LMTK2: variants seen among roughly 807,000 people sequenced by gnomAD.
The protein encoded by LMTK2 is serine/threonine-protein kinase LMTK2.
A neutral mutation model predicts 127.5 loss-of-function variants in LMTK2; 37 were observed. The observed-to-expected ratio is 0.29, with a 90% CI of 0.22 to 0.38. The LOEUF (loss-of-function observed/expected upper bound fraction) is 0.38, where lower values mean the gene tolerates loss of function less well. Among genes scored for constraint, LMTK2 ranks in the 10% least tolerant of loss-of-function variants. LMTK2 has a pLI of 1.00. For synonymous variants in LMTK2, 819 were observed against 810.1 expected (o/e 1.01, Z -0.19); for missense variants, 1,694 against 1,920.3 (o/e 0.88, Z 2.20).
chr7:98,155,230 A>G (rs541796468), intron 5 of LMTK2, among the ~76,000 whole-genome samples: 1 of 152,356 alleles, frequency 6.6e-6, no homozygotes, highest in East Asian at 1.9e-4. Context: ...TAAAGAAGAC[A>G]TAAATGGAAA....
intron 5 of LMTK2, among the ~76,000 whole-genome samples, chr7:98,156,009 C>A (rs1796920662): frequency 6.6e-6 from 1 of 151,160 alleles, no homozygotes; most frequent in African/African-American, 2.4e-5. Context: ...AAGAAACTCT[C>A]AAAACTCAAC....
At chr7:98,115,796 CAAAA>C (rs1796273284) in intron 1 of LMTK2, among the ~76,000 whole-genome samples, 2 of 151,704 alleles carry the variant, frequency 1.3e-5, no homozygotes, top group South Asian at 4.2e-4. Flanking sequence ...TCAAAAAAAG[CAAAA>C]AAAGAAAGGT....
rs887533185 is a variant in LMTK2, at chr7:98,151,904, C to T, written c.450+449C>T. Among the ~76,000 whole-genome samples the T allele has an allele frequency of 3.9e-5, 6 of 152,086 alleles. 1 individual carries two copies. In the East Asian group the frequency reaches 7.7e-4, roughly 20 times the overall value. On this transcript the variant is annotated intron_variant, in intron 4 of 13. Transcript: ENST00000297293. ...TCCCAGAGGCCTTCCTCCTCTCCATCGCATTGGTCATTAGGTTTCAGTTTA... is the reference window on the plus strand; with the variant it reads ...TCCCAGAGGCCTTCCTCCTCTCCATTGCATTGGTCATTAGGTTTCAGTTTA...
chr7:98,196,626 G>T (rs373951213), intron 11 of LMTK2, among the ~76,000 whole-genome samples: 155 of 152,348 alleles, frequency 1.0e-3, no homozygotes, highest in African/African-American at 3.5e-3. Flanking sequence ...CCCAGTGGAA[G>T]CAGCCTGTGG....
chr7:98,116,696 C>T (rs1047335616), intron 1 of LMTK2, among the ~76,000 whole-genome samples: 5 of 152,184 alleles, frequency 3.3e-5, no homozygotes, highest in Non-Finnish European at 7.3e-5. Context: ...ACATTTGTCA[C>T]AACTAAGGAA....
Position 98,194,678 on chromosome 7 carries a change from C to T in LMTK2, c.4107+106C>T. On this transcript the variant is annotated intron_variant, in intron 11 of 13. Coordinates refer to ENST00000297293, the MANE Select transcript of LMTK2 (RefSeq NM_014916.4). This position sits in a 1 kb window ranked among gnomAD's most constrained non-coding sequence, Gnocchi z 5.4. Reference sequence around the variant, plus strand: ...TTTTCTAGTTGCCATTTTGAGGCAGCAGATTGTGATTACTCACAAAAAGTA... The same window carrying T: ...TTTTCTAGTTGCCATTTTGAGGCAGTAGATTGTGATTACTCACAAAAAGTA... The T allele has an allele frequency of 9.5e-7, 1 of 1,055,442 alleles. No homozygotes were observed. Among genetic ancestry groups the T allele is most frequent in the South Asian group, 1.7e-5 (1 of 60,456 alleles). 65.4% of individuals were successfully genotyped at this position (1,055,442 alleles called of 1,614,324 possible).
At chr7:98,165,470 T>C (rs1445292816) in intron 6 of LMTK2, among the ~76,000 whole-genome samples, 1 of 152,186 alleles carries the variant, frequency 6.6e-6, no homozygotes, top group African/African-American at 2.4e-5. Flanking sequence ...CTTGATTTTA[T>C]TCTAATTTTA....
chr7:98,155,646 T>C (rs1203714816), intron 5 of LMTK2, among the ~76,000 whole-genome samples: 3 of 152,214 alleles, frequency 2.0e-5, no homozygotes, highest in African/African-American at 7.2e-5. Context: ...TTTGTCACTT[T>C]TCTAAAGAAA....
At chr7:98,141,875 G>T (rs1405452724) in intron 3 of LMTK2, among the ~76,000 whole-genome samples, 2 of 152,190 alleles carry the variant, frequency 1.3e-5, no homozygotes, top group Non-Finnish European at 2.9e-5. Context: ...GTAGGACTCT[G>T]CTGGCTTCCA....
chr7:98,154,834 CA>C lies in LMTK2; in HGVS notation c.530del (p.Lys177ArgfsTer7). 6.2e-7 allele frequency: 1 copy of C among 1,613,234 alleles called. No homozygotes were observed. Among genetic ancestry groups the C allele is most frequent in the Non-Finnish European group, 8.5e-7 (1 of 1,179,228 alleles). ...IVKELKASANPKEQDTFLKNG... is the reference protein window; with the variant it reads ...IVKELKASANXKEQDTFLKNG... ...AAGGAGTTAAAAGCAAGTGCCAACC[CA>C]AAGGAACAAGATACTTTTTTGAAAA... On this transcript the variant is annotated frameshift_variant, in exon 5 of 14. Transcript: ENST00000297293. LOFTEE classifies it high-confidence loss of function.
intron 4 of LMTK2, 95 bp from the exon 5 acceptor site, chr7:98,154,663 T>A: frequency 1.3e-6 from 1 of 775,670 alleles, no homozygotes; most frequent in Non-Finnish European, 2.2e-6. Flanking sequence ...GCTTATTGCT[T>A]AACTTGTTCA....
At chr7:98,202,711 G>C (rs533138249) in intron 11 of LMTK2, among the ~76,000 whole-genome samples, 108 of 152,070 alleles carry the variant, frequency 7.1e-4, no homozygotes, top group Non-Finnish European at 1.0e-3. Context: ...ACCCCACCCC[G>C]GTCTCCCCTG....
intron 4 of LMTK2, among the ~76,000 whole-genome samples, chr7:98,154,255 G>A (rs1158389583): frequency 1.3e-5 from 2 of 152,106 alleles, no homozygotes; most frequent in Non-Finnish European, 2.9e-5. Flanking sequence ...ATCAAGGCCG[G>A]GTATCATTGG....
chr7:98,140,081 T>A (rs6966172), intron 2 of LMTK2, among the ~76,000 whole-genome samples: 98,334 of 110,392 alleles, frequency 0.89, 43,265 homozygotes, highest in Non-Finnish European at 0.94. Flanking sequence ...TCCACAACTT[T>A]CTTTCTTTCT....
At chr7:98,123,642 T>C (rs59254943) in intron 1 of LMTK2, among the ~76,000 whole-genome samples, 2 of 152,126 alleles carry the variant, frequency 1.3e-5, no homozygotes, top group Admixed American at 1.3e-4. Flanking sequence ...TCAACATGGA[T>C]GCACAATGGG....
intron 1 of LMTK2, among the ~76,000 whole-genome samples, chr7:98,110,073 C>T (rs1343754282): frequency 2.0e-5 from 3 of 152,108 alleles, no homozygotes; most frequent in African/African-American, 7.2e-5. Context: ...AGACCCATTT[C>T]ATAGGGTCTT....
At chr7:98,177,595 C>G (rs1406721939) in intron 7 of LMTK2, among the ~76,000 whole-genome samples, 1 of 152,178 alleles carries the variant, frequency 6.6e-6, no homozygotes, top group Non-Finnish European at 1.5e-5. Context: ...CTTGACTTCC[C>G]AGGCTCAAGC....
rs1277589302 is a variant in LMTK2 at position 98,192,343 on chromosome 7, T to A, written c.1878T>A (p.Ser626Arg). Reference sequence around the variant, plus strand: ...TACCAGGGGACTTACACGTGACCAGTGGCCCCGAGAGCCCTTTCAACAATA... The same window carrying A: ...TACCAGGGGACTTACACGTGACCAGAGGCCCCGAGAGCCCTTTCAACAATA... The part of the protein sequence containing the change: ...SSLPGDLHVT[S>R]GPESPFNNIF... Residue 626 changes from serine (S) to arginine (R), a missense_variant, in exon 11 of 14, where the codon AGT becomes AGA. By Grantham distance (110) the Ser-to-Arg change is moderately radical. Around this residue, in one of 8 missense-constraint regions of LMTK2, gnomAD observed 527 missense variants for 539.8 expected, o/e 0.98. Transcript: ENST00000297293. 1 of 1,576,734 alleles carries A rather than the reference T, an allele frequency of 6.3e-7. No homozygotes were observed. The highest frequency in any genetic ancestry group is 8.6e-7 in the Non-Finnish European group (1 of 1,166,150).
At chr7:98,167,070 A>G (rs980894655) in intron 6 of LMTK2, among the ~76,000 whole-genome samples, 7 of 152,226 alleles carry the variant, frequency 4.6e-5, no homozygotes, top group African/African-American at 1.7e-4. Context: ...AAAATGTGAA[A>G]TTTCAGATTT....
Sources: gnomAD v4.1 joint callset for allele counts (sites outside exome capture counted in the v4.1 genomes callset) on GRCh38, gnomAD v4.1.1 for gene constraint, gnomAD v4.1.1 regional missense constraint, Gnocchi (gnomAD v3.1) non-coding constraint, MANE v1.5 for transcripts, NCBI Gene and HGNC (gene_info 2026-07-23, HGNC 2026-07-21) for gene names.